GNG8: variants seen among roughly 807,000 people sequenced by gnomAD.
GNG8 encodes G protein subunit gamma 8.
GNG8 carries 3 observed loss-of-function variants against 4.6 expected under a neutral mutation model. That is an observed-to-expected ratio of 0.65 (90% CI 0.29 to 1.67). The LOEUF (loss-of-function observed/expected upper bound fraction) is 1.67, where lower values mean the gene tolerates loss of function less well. GNG8 is among the 40% of genes most tolerant of loss of function. The pLI is 0.10. For synonymous variants in GNG8, 32 were observed against 40.5 expected (o/e 0.79, Z 0.80); for missense variants, 88 against 95.2 (o/e 0.92, Z 0.32).
chr19:46,637,052 A>G (rs2122399693), upstream of GNG8: 1 of 152,230 alleles, frequency 6.6e-6, no homozygotes, highest in East Asian at 1.9e-4. Flanking sequence ...TCGGCCTCCC[A>G]AAGTGCTGGG....
intron 2 of GNG8, 64 bp from the exon 3 acceptor site, chr19:46,634,268 C>T: frequency 6.5e-7 from 1 of 1,527,118 alleles, no homozygotes. Context: ...CCACTTAGGC[C>T]CCGCCTCTTG....
intron 2 of GNG8, 77 bp from the exon 3 acceptor site, chr19:46,634,281 C>T: frequency 3.4e-6 from 5 of 1,480,742 alleles, no homozygotes; most frequent in Non-Finnish European, 4.5e-6. Flanking sequence ...GCCTCTTGCC[C>T]TGTCCCCTCC....
At chr19:46,636,107 C>A (rs980112023) in intron 1 of GNG8, among the ~76,000 whole-genome samples, 40 bp downstream of exon 1, 1 of 152,078 alleles carries the variant, frequency 6.6e-6, no homozygotes, top group Non-Finnish European at 1.5e-5. Flanking sequence ...ACGGAGCAGG[C>A]AAAGGGACCA....
At chr19:46,638,941 A>C (rs1599782011), upstream of GNG8, 1 of 153,044 alleles carries the variant, frequency 6.5e-6, no homozygotes, top group South Asian at 2.0e-4. This position sits in a 1 kb window ranked among gnomAD's most constrained non-coding sequence, Gnocchi z 4.7. Flanking sequence ...AGAGAGACGC[A>C]GGGGGCTATA....
At chr19:46,635,172 C>T (rs1337766326) in intron 1 of GNG8, among the ~76,000 whole-genome samples, 3 of 151,906 alleles carry the variant, frequency 2.0e-5, no homozygotes, top group Non-Finnish European at 2.9e-5. Context: ...CTCTCCGCCA[C>T]CCTCAGGGAG....
chr19:46,636,825 T>A (rs941793603), upstream of GNG8: 2 of 147,520 alleles, frequency 1.4e-5, no homozygotes, highest in African/African-American at 5.1e-5. Flanking sequence ...GAAGTCTCGC[T>A]GTGTTGCCCA....
chr19:46,635,868 A>G, intron 1 of GNG8, among the ~76,000 whole-genome samples: 1 of 142,138 alleles, frequency 7.0e-6, no homozygotes, highest in East Asian at 2.2e-4. Flanking sequence ...GGGGGGAGGG[A>G]GGAAGGAGCA....
At chr19:46,636,318 T>C (rs1203243510), upstream of GNG8, among the ~76,000 whole-genome samples, 1 of 148,134 alleles carries the variant, frequency 6.8e-6, no homozygotes, top group Non-Finnish European at 1.5e-5. Context: ...CTCTGGGCCC[T>C]CTCTCTTGTC....
chr19:46,636,367 C>T (rs1016171195), upstream of GNG8, among the ~76,000 whole-genome samples: 2 of 152,148 alleles, frequency 1.3e-5, no homozygotes, highest in African/African-American at 4.8e-5. Context: ...GTGTCTCTGC[C>T]GCTGCTGTCC....
intron 1 of GNG8, among the ~76,000 whole-genome samples, 154 bp downstream of exon 1, chr19:46,635,993 G>A (rs2052866075): frequency 6.6e-6 from 1 of 151,978 alleles, no homozygotes; most frequent in Non-Finnish European, 1.5e-5. Context: ...GAAAGTGGGA[G>A]AGAGGAACAA....
chr19:46,634,524 C>T, intron 2 of GNG8, 75 bp downstream of exon 2: 2 of 1,379,338 alleles, frequency 1.4e-6, no homozygotes, highest in South Asian at 1.2e-5. Context: ...ACTATGGCTC[C>T]GAGCCGGGCC....
intron 1 of GNG8, among the ~76,000 whole-genome samples, chr19:46,635,429 TAGAG>T (rs1254373533): frequency 7.9e-6 from 1 of 125,790 alleles, no homozygotes; most frequent in African/African-American, 3.1e-5. Context: ...GAGGAGAAAA[TAGAG>T]GGACAAATGA....
chr19:46,637,268 T>C (rs540099799), upstream of GNG8: 1 of 152,366 alleles, frequency 6.6e-6, no homozygotes, highest in South Asian at 2.1e-4. Context: ...ACATACATTC[T>C]CTCACAGTCT....
rs747041999 is a variant in GNG8, at chr19:46,634,690, G to T, written c.-8C>A. The T allele has an allele frequency of 1.2e-6, 2 of 1,612,448 alleles. No individual in the cohort carries two copies. Among genetic ancestry groups the T allele is most frequent in the Non-Finnish European group, 1.7e-6 (2 of 1,179,560 alleles). ...GGCCATGTTGTTGGACATGGTTGCG[G>T]CGGGGAAGGGGTTAAAAGACGCGCG... On this transcript the variant is annotated 5_prime_UTR_variant, in exon 2 of 3. Transcript: ENST00000693335.
At chr19:46,638,960 G>C (rs2052885218), upstream of GNG8, 1 of 153,902 alleles carries the variant, frequency 6.5e-6, no homozygotes, top group South Asian at 2.0e-4. The surrounding 1 kb of genome is among the most constrained non-coding windows in gnomAD (Gnocchi z 4.7). Flanking sequence ...TAGGGACACA[G>C]ATTTAGAGAA....
chr19:46,634,572 GC>G (rs1348426239), intron 2 of GNG8, 26 bp downstream of exon 2: 1 of 1,437,326 alleles, frequency 7.0e-7, no homozygotes, highest in Non-Finnish European at 9.8e-7. Flanking sequence ...CAGAACCCCC[GC>G]CCTATTCCCC....
At position 46,636,165 on chromosome 19, in the gene GNG8, G is replaced by A. The variant is rs759386717; in HGVS notation, c.-62C>T. On this transcript the variant is annotated 5_prime_UTR_variant, in exon 1 of 3. Transcript: ENST00000693335. ...TTCCTACCTGTTGCTGCTCTGGGCC[G>A]GGCTCGCGGCGGTGACAGAGGCTGG... is the stretch of plus-strand genomic sequence containing the variant. Among the ~76,000 whole-genome samples the A allele has an allele frequency of 1.6e-4, 25 of 152,034 alleles. No individual in the cohort carries two copies. Among genetic ancestry groups the A allele is most frequent in the Non-Finnish European group, 3.2e-4 (22 of 67,956 alleles).
At chr19:46,634,751 T>G in intron 1 of GNG8, 26 bp from the exon 2 acceptor site, 1 of 1,328,308 alleles carries the variant, frequency 7.5e-7, no homozygotes, top group Non-Finnish European at 1.1e-6. Context: ...AGGATACGTC[T>G]GGGTCCCGAG....
intron 1 of GNG8, among the ~76,000 whole-genome samples, chr19:46,635,322 G>C (rs1469012152): frequency 6.6e-6 from 1 of 151,304 alleles, no homozygotes; most frequent in Non-Finnish European, 1.5e-5. Flanking sequence ...CGCAGAGGCA[G>C]AGACAGAGTA....
Sources: gnomAD v4.1 joint callset for allele counts (sites outside exome capture counted in the v4.1 genomes callset) on GRCh38, gnomAD v4.1.1 for gene constraint, Gnocchi (gnomAD v3.1) non-coding constraint, MANE v1.5 for transcripts, NCBI Gene and HGNC (gene_info 2026-07-23, HGNC 2026-07-21) for gene names.